The following ARPC2 variants were observed in gnomAD, a reference collection of about 807,000 sequenced individuals.
ARPC2 encodes the protein actin-related protein 2/3 complex subunit 2.
In ARPC2, 4 loss-of-function variants were observed where a neutral mutation model predicts 38.6. The observed-to-expected ratio is 0.10, with a 90% CI of 0.05 to 0.24. The LOEUF (loss-of-function observed/expected upper bound fraction) is 0.24, where lower values mean the gene tolerates loss of function less well. Ranked by LOEUF, ARPC2 falls within the 10% of genes least tolerant of loss-of-function variation. The pLI, the probability that ARPC2 is intolerant of heterozygous loss-of-function variation, is 1.00. For missense variants in ARPC2, 229 were observed against 387.3 expected (o/e 0.59, Z 3.43); for synonymous variants, 125 against 140.8 (o/e 0.89, Z 0.79).
At chr2:218,245,599 A>C in intron 8 of ARPC2, 53 bp downstream of exon 8, 1 of 1,605,788 alleles carries the variant, frequency 6.2e-7, no homozygotes, top group South Asian at 1.1e-5. Context: ...TTCACACAGC[A>C]GAATACCTAA....
chr2:218,228,627 TAC>T lies in ARPC2; in HGVS notation c.110-109_110-108del, dbSNP rs144092194. ...GATTTAAAATAAGTTCCATTTTACT[TAC>T]ATGCCTCCTTAAAAGTGGTCTTCCT... On this transcript the variant is annotated intron_variant, in intron 3 of 10. Coordinates refer to ENST00000315717, the MANE Select transcript of ARPC2 (RefSeq NM_152862.3). 4.9e-4 allele frequency: 276 copies of T among 564,178 alleles called. No homozygotes were observed. In the East Asian group the frequency reaches 6.5e-3, roughly 13 times the overall value. 34.9% of individuals were successfully genotyped at this position (564,178 alleles called of 1,614,324 possible).
chr2:218,252,327 G>A (rs1690211800), intron 10 of ARPC2, among the ~76,000 whole-genome samples: 1 of 152,212 alleles, frequency 6.6e-6, no homozygotes, highest in Admixed American at 6.5e-5. Context: ...TGAAATGGCA[G>A]CATCGTTTCT....
intron 5 of ARPC2, among the ~76,000 whole-genome samples, 186 bp from the exon 6 acceptor site, chr2:218,238,478 T>C (rs1244090189): frequency 6.6e-6 from 1 of 152,142 alleles, no homozygotes; most frequent in Non-Finnish European, 1.5e-5. Context: ...AAATAGACTA[T>C]ATTCTACCCA....
chr2:218,241,247 A>G (rs776578716), intron 7 of ARPC2, among the ~76,000 whole-genome samples: 14 of 152,252 alleles, frequency 9.2e-5, no homozygotes, highest in Non-Finnish European at 2.1e-4. Context: ...AGTGGCTAGG[A>G]AAATCTTCAA....
At position 218,238,807 on chromosome 2, in the gene ARPC2, G is replaced by A; in HGVS notation, c.412G>A (p.Gly138Arg). The change falls in exon 6 of 11, where the codon GGA becomes AGA. Residue 138 changes from glycine (G) to arginine (R), a missense_variant. Transcript: ENST00000315717. The part of the protein sequence containing the change: ...YFQFQEEGKE[G>R]ENRAVIHYRD... ...CCAATTCCAAGAAGAGGGCAAGGAAGGAGAGAACAGGGCAGTTATCCATTA... is the reference window on the plus strand; with the variant it reads ...CCAATTCCAAGAAGAGGGCAAGGAAAGAGAGAACAGGGCAGTTATCCATTA... 1 of 1,614,036 alleles carries A rather than the reference G, an allele frequency of 6.2e-7. No homozygotes were observed. Among genetic ancestry groups the A allele is most frequent in the Non-Finnish European group, 8.5e-7 (1 of 1,179,986 alleles).
intron 7 of ARPC2, among the ~76,000 whole-genome samples, chr2:218,242,042 C>G (rs1689928566): frequency 6.6e-6 from 1 of 152,248 alleles, no homozygotes; most frequent in Non-Finnish European, 1.5e-5. Context: ...TGAAGTTCCT[C>G]ATGGTCACTA....
intron 5 of ARPC2, chr2:218,236,487 T>C (rs924541235): frequency 6.6e-6 from 1 of 152,062 alleles, no homozygotes; most frequent in African/African-American, 2.4e-5. Context: ...GAAGAGCCCA[T>C]GCTCAACAAA....
intron 10 of ARPC2, chr2:218,252,843 T>G (rs1690225692): frequency 6.6e-6 from 3 of 454,770 alleles, no homozygotes; most frequent in Non-Finnish European, 1.3e-5. Flanking sequence ...CCTGTCCTGG[T>G]GAGAGACCCA....
intron 7 of ARPC2, among the ~76,000 whole-genome samples, chr2:218,241,302 T>C (rs1233022565): frequency 6.6e-6 from 1 of 152,210 alleles, no homozygotes; most frequent in Admixed American, 6.5e-5. Context: ...TTTTGTATTT[T>C]GGCTAATTAA....
chr2:218,221,868 G>T (rs1045502837), intron 2 of ARPC2, among the ~76,000 whole-genome samples: 11 of 152,146 alleles, frequency 7.2e-5, no homozygotes, highest in Admixed American at 4.6e-4. Flanking sequence ...CTTTATAGAA[G>T]ATTTAAAGGA....
At chr2:218,252,759 G>A (rs35271699) in intron 10 of ARPC2, among the ~76,000 whole-genome samples, 62,233 of 152,070 alleles carry the variant, frequency 0.41, 14,820 homozygotes, top group South Asian at 0.62. Flanking sequence ...GCTGCTGCCC[G>A]ATTCCACAGC....
In ARPC2 at chr2:218,217,537, G is replaced by A. The variant is rs762446454; in HGVS notation, c.67G>A (p.Ala23Thr). The A allele has an allele frequency of 1.9e-6, 3 of 1,612,146 alleles. No homozygotes were observed. The African/African-American group carries it at 4.0e-5, about 22-fold the overall frequency. ...ETLALKFENA[A>T]AGNKPEAVEV... ...GCTCGCGCTCAAGTTCGAGAACGCG[G>A]CCGCCGGGTGAGCGCGCGCCCGGGG... Residue 23 changes from alanine (A) to threonine (T), a missense_variant, in exon 2 of 11, where the codon GCC (alanine) becomes ACC (threonine). By Grantham distance (58) the Ala-to-Thr change is moderately conservative. This residue lies in a region of ARPC2 where 135 missense variants were observed against 214.1 expected (regional missense o/e 0.63). Coordinates refer to ENST00000315717, the MANE Select transcript of ARPC2 (RefSeq NM_152862.3).
intron 5 of ARPC2, among the ~76,000 whole-genome samples, chr2:218,237,933 A>G (rs1689811698): frequency 6.6e-6 from 1 of 152,136 alleles, no homozygotes; most frequent in African/African-American, 2.4e-5. Flanking sequence ...CTCAAAATAG[A>G]GTGCCCTACA....
intron 1 of ARPC2, 74 bp downstream of exon 1, chr2:218,217,328 C>G: frequency 1.4e-6 from 1 of 715,110 alleles, no homozygotes. Context: ...TTCCCTCCAC[C>G]CCGGCCCCTC....
At chr2:218,239,538 A>C in intron 7 of ARPC2, 54 bp downstream of exon 7, 1 of 1,376,044 alleles carries the variant, frequency 7.3e-7, no homozygotes, top group South Asian at 1.2e-5. Flanking sequence ...ATACCTTTGC[A>C]CCCAAACATA....
intron 3 of ARPC2, among the ~76,000 whole-genome samples, chr2:218,226,294 A>G (rs202022307): frequency 6.6e-6 from 1 of 151,470 alleles, no homozygotes; most frequent in Admixed American, 6.6e-5. Flanking sequence ...TGTCTCAAAA[A>G]AAAAAAGAGA....
Position 218,249,472 on chromosome 2 carries a change from G to A in ARPC2, c.777+8G>A. ...CACATCAAGTGCTCTAAGGTGAGGG[G>A]GGTGCCAGCATCTCAGCCTCTATGC... On this transcript the variant is annotated splice_region_variant and intron_variant, in intron 9 of 10. Coordinates refer to ENST00000315717, the MANE Select transcript of ARPC2 (RefSeq NM_152862.3). The A allele has an allele frequency of 1.3e-6, 2 of 1,579,684 alleles. No individual in the cohort carries two copies. The highest frequency in any genetic ancestry group is 1.7e-6 in the Non-Finnish European group (2 of 1,156,140).
chr2:218,244,879 A>G (rs1384048939), intron 7 of ARPC2, among the ~76,000 whole-genome samples: 1 of 152,252 alleles, frequency 6.6e-6, no homozygotes, highest in East Asian at 1.9e-4. Context: ...GCTGAGAGAG[A>G]GAAGCCTTGT....
chr2:218,219,358 A>AT (rs747350513), intron 2 of ARPC2, among the ~76,000 whole-genome samples: 335 of 146,348 alleles, frequency 2.3e-3, no homozygotes, highest in African/African-American at 5.8e-3. Flanking sequence ...AACTTCCAGG[A>AT]CTTTTTTTTT....
Sources: allele counts gnomAD v4.1 joint callset (sites outside exome capture counted in the v4.1 genomes callset), GRCh38; gene constraint gnomAD v4.1.1; regional missense constraint gnomAD v4.1.1; transcripts MANE v1.5; gene names NCBI Gene and HGNC (gene_info 2026-07-23, HGNC 2026-07-21).